The following ENTREP2 variants were observed in gnomAD, a reference collection of about 807,000 sequenced individuals.
ENTREP2 encodes endosomal transmembrane epsin interactor 2.
chr15:29,538,849 A>G, the ENTREP2 span, among the ~76,000 whole-genome samples: 4 of 151,948 alleles, frequency 2.6e-5, no homozygotes, highest in Admixed American at 2.0e-4. Flanking sequence ...ACCTACATTG[A>G]TAATTTTTGT....
chr15:29,398,160 C>T, the ENTREP2 span, among the ~76,000 whole-genome samples: 1 of 148,952 alleles, frequency 6.7e-6, no homozygotes, highest in African/African-American at 2.5e-5. Flanking sequence ...TCATCTACTA[C>T]ACATACTAGA....
chr15:29,329,093 T>C, the ENTREP2 span, among the ~76,000 whole-genome samples: 1 of 152,198 alleles, frequency 6.6e-6, no homozygotes, highest in South Asian at 2.1e-4. Flanking sequence ...CTGGGCGCAG[T>C]GGCTCACACC....
At chr15:29,269,481 G>C in the ENTREP2 span, 1 of 1,611,148 alleles carries the variant, frequency 6.2e-7, no homozygotes, top group South Asian at 1.1e-5. Flanking sequence ...GCCCCACGGC[G>C]GGGGCGGCCT....
At chr15:29,435,161 T>C in the ENTREP2 span, among the ~76,000 whole-genome samples, 6 of 152,280 alleles carry the variant, frequency 3.9e-5, no homozygotes, top group Non-Finnish European at 8.8e-5. Context: ...TTTCAGTGAC[T>C]TTTCCCTCCC....
the ENTREP2 span, among the ~76,000 whole-genome samples, chr15:29,468,686 A>G: frequency 1.3e-5 from 2 of 152,044 alleles, no homozygotes; most frequent in Non-Finnish European, 2.9e-5. Flanking sequence ...TAAATCTTTA[A>G]TAGTGTCTGA....
At chr15:29,130,131 G>A in the ENTREP2 span, among the ~76,000 whole-genome samples, 1 of 152,156 alleles carries the variant, frequency 6.6e-6, no homozygotes, top group Non-Finnish European at 1.5e-5. Flanking sequence ...CCACACAAAG[G>A]GTGTGAGCTG....
chr15:29,369,747 T>A, the ENTREP2 span, among the ~76,000 whole-genome samples: 1 of 152,248 alleles, frequency 6.6e-6, no homozygotes, highest in African/African-American at 2.4e-5. Flanking sequence ...AAACTCAGGT[T>A]GAAATTTAAT....
At chr15:29,619,195 A>G in the ENTREP2 span, among the ~76,000 whole-genome samples, 2 of 152,162 alleles carry the variant, frequency 1.3e-5, no homozygotes, top group African/African-American at 4.8e-5. Flanking sequence ...GATCAAGACC[A>G]TCCTGGCTAA....
the ENTREP2 span, among the ~76,000 whole-genome samples, chr15:29,153,138 A>G: frequency 5.9e-5 from 8 of 135,194 alleles, no homozygotes; most frequent in East Asian, 1.0e-3. Flanking sequence ...ATTGATTGTA[A>G]TGTTTACTTT....
At chr15:29,481,590 C>T in the ENTREP2 span, among the ~76,000 whole-genome samples, 1 of 152,156 alleles carries the variant, frequency 6.6e-6, no homozygotes, top group Non-Finnish European at 1.5e-5. Context: ...AATAAAAATT[C>T]TGAAGGAAAC....
chr15:29,408,959 G>A, the ENTREP2 span, among the ~76,000 whole-genome samples: 1 of 152,186 alleles, frequency 6.6e-6, no homozygotes, highest in Admixed American at 6.5e-5. Flanking sequence ...AACCTGTGAG[G>A]CCATTAACAC....
At chr15:29,380,193 G>A in the ENTREP2 span, among the ~76,000 whole-genome samples, 4 of 152,046 alleles carry the variant, frequency 2.6e-5, no homozygotes, top group Non-Finnish European at 4.4e-5. Context: ...TGTTTGAAAA[G>A]TTCTAAATAA....
the ENTREP2 span, among the ~76,000 whole-genome samples, chr15:29,465,442 C>T: frequency 1.3e-5 from 2 of 152,294 alleles, no homozygotes; most frequent in African/African-American, 2.4e-5. Context: ...CTCAGGGAAA[C>T]GGAGTGCCCA....
chr15:29,156,609 G>C, the ENTREP2 span, among the ~76,000 whole-genome samples: 2 of 152,166 alleles, frequency 1.3e-5, no homozygotes, highest in Non-Finnish European at 2.9e-5. Context: ...TGACCCGTGA[G>C]GCGGTACCGG....
chr15:29,530,656 G>T, the ENTREP2 span, among the ~76,000 whole-genome samples: 1 of 152,318 alleles, frequency 6.6e-6, no homozygotes, highest in Middle Eastern at 3.4e-3. Flanking sequence ...ATGGGTGGAG[G>T]TGCAAGCACC....
the ENTREP2 span, among the ~76,000 whole-genome samples, chr15:29,365,900 C>T: frequency 6.6e-6 from 1 of 152,068 alleles, no homozygotes. Context: ...CACCCAGCAA[C>T]CCCCCGAATC....
At chr15:29,620,240 G>A in the ENTREP2 span, among the ~76,000 whole-genome samples, 1 of 152,134 alleles carries the variant, frequency 6.6e-6, no homozygotes, top group Non-Finnish European at 1.5e-5. Flanking sequence ...CCTGTCAGGT[G>A]AATTGCAGGA....
chr15:29,158,546 A>T, the ENTREP2 span, among the ~76,000 whole-genome samples: 18 of 152,020 alleles, frequency 1.2e-4, no homozygotes, highest in Non-Finnish European at 1.8e-4. Flanking sequence ...TCTGGACTAC[A>T]GGAGCACGCC....
the ENTREP2 span, among the ~76,000 whole-genome samples, chr15:29,510,761 C>G: frequency 6.7e-6 from 1 of 149,418 alleles, no homozygotes; most frequent in Non-Finnish European, 1.5e-5. Flanking sequence ...GAGCTGAGAT[C>G]ATGCCGCCAC....
Sources: allele counts gnomAD v4.1 joint callset (sites outside exome capture counted in the v4.1 genomes callset), GRCh38; gene constraint gnomAD v4.1.1; transcripts MANE v1.5; gene names NCBI Gene and HGNC (gene_info 2026-07-23, HGNC 2026-07-21).